HTR7: variants seen among roughly 807,000 people sequenced by gnomAD.
HTR7 encodes 5-HT-7.
A neutral mutation model predicts 34.0 loss-of-function variants in HTR7; 16 were observed. The observed-to-expected ratio is 0.47, with a 90% CI of 0.32 to 0.71. The LOEUF (loss-of-function observed/expected upper bound fraction) is 0.71, where lower values mean the gene tolerates loss of function less well. HTR7 is among the 30% of genes least tolerant of loss of function. The probability of loss-of-function intolerance (pLI) is 0.04; values close to 1 mark genes in which losing one functional copy is unlikely to be tolerated. For synonymous variants in HTR7, 265 were observed against 260.2 expected (o/e 1.02, Z -0.18); for missense variants, 504 against 625.5 (o/e 0.81, Z 2.07).
chr10:90,815,963 T>C (rs1460355228), intron 1 of HTR7, among the ~76,000 whole-genome samples: 1 of 152,138 alleles, frequency 6.6e-6, no homozygotes, highest in Non-Finnish European at 1.5e-5. Flanking sequence ...TAAGGGACAT[T>C]AAGTGAAGCT....
intron 1 of HTR7, among the ~76,000 whole-genome samples, chr10:90,830,836 G>C (rs1350157849): frequency 6.7e-6 from 1 of 148,396 alleles, no homozygotes; most frequent in Non-Finnish European, 1.5e-5. Flanking sequence ...GCCCAGTTAC[G>C]ATGCTCCACA....
intron 1 of HTR7, among the ~76,000 whole-genome samples, chr10:90,809,474 C>T (rs1391399949): frequency 6.6e-6 from 1 of 152,152 alleles, no homozygotes; most frequent in Non-Finnish European, 1.5e-5. Flanking sequence ...CCAATCTGCT[C>T]CCAACATTAA....
At chr10:90,841,691 C>A (rs576133335) in intron 1 of HTR7, among the ~76,000 whole-genome samples, 1 of 152,102 alleles carries the variant, frequency 6.6e-6, no homozygotes, top group African/African-American at 2.4e-5. Context: ...AAAGCCAGTG[C>A]CCCCTTGAGC....
At chr10:90,814,936 T>G (rs1845875031) in intron 1 of HTR7, among the ~76,000 whole-genome samples, 1 of 152,196 alleles carries the variant, frequency 6.6e-6, no homozygotes, top group African/African-American at 2.4e-5. Context: ...AACCAAGATA[T>G]GGATTGACAA....
intron 1 of HTR7, among the ~76,000 whole-genome samples, chr10:90,761,413 T>C (rs1318954231): frequency 6.6e-6 from 1 of 152,192 alleles, no homozygotes; most frequent in Non-Finnish European, 1.5e-5. Flanking sequence ...ACAGTAAAGT[T>C]AGGTACAGAA....
intron 1 of HTR7, among the ~76,000 whole-genome samples, chr10:90,757,908 T>G (rs940541092): frequency 8.5e-5 from 13 of 152,172 alleles, no homozygotes; most frequent in African/African-American, 2.9e-4. Context: ...AATAAATATA[T>G]GTGATCACTG....
intron 1 of HTR7, among the ~76,000 whole-genome samples, chr10:90,765,980 G>T (rs1324932686): frequency 6.6e-6 from 1 of 152,184 alleles, no homozygotes; most frequent in African/African-American, 2.4e-5. Context: ...TGCTTGAGAA[G>T]AATGTATATT....
chr10:90,743,732 A>G lies in HTR7; in HGVS notation c.1296-42T>C, dbSNP rs1489488860. 2.1e-6 allele frequency: 3 copies of G among 1,435,940 alleles called. No individual in the cohort carries two copies. The African/African-American group carries it at 4.2e-5, about 20-fold the overall frequency. The allele number at this position is 1,435,940 out of a possible 1,614,324, so 88.9% of individuals were successfully genotyped here. A position where few individuals can be genotyped will look rare whatever the true frequency, so the allele number is the denominator to read the frequency against. ...TTCAAAGCAAATCCATAAGTAAATCAAATTTTAAAAGAAAAAAAGAATCCT... is the reference window on the plus strand; with the variant it reads ...TTCAAAGCAAATCCATAAGTAAATCGAATTTTAAAAGAAAAAAAGAATCCT... On this transcript the variant is annotated intron_variant, in intron 2 of 3. Transcript: ENST00000336152.
chr10:90,814,081 C>G (rs1845859666), intron 1 of HTR7, among the ~76,000 whole-genome samples: 1 of 152,226 alleles, frequency 6.6e-6, no homozygotes. Flanking sequence ...CTTCTTGTGA[C>G]CACTTAATTG....
intron 1 of HTR7, among the ~76,000 whole-genome samples, chr10:90,795,128 G>A (rs1845518449): frequency 6.6e-6 from 1 of 152,186 alleles, no homozygotes; most frequent in South Asian, 2.1e-4. Flanking sequence ...TGAGATTGCA[G>A]ATATCTCATC....
intron 1 of HTR7, among the ~76,000 whole-genome samples, chr10:90,832,115 C>A (rs989801242): frequency 6.6e-6 from 1 of 152,242 alleles, no homozygotes; most frequent in Non-Finnish European, 1.5e-5. Context: ...TGGCTTCACC[C>A]AGTGGATCTG....
At chr10:90,802,800 T>C (rs1259350313) in intron 1 of HTR7, among the ~76,000 whole-genome samples, 1 of 152,172 alleles carries the variant, frequency 6.6e-6, no homozygotes, top group Non-Finnish European at 1.5e-5. Flanking sequence ...GAATCAGTCC[T>C]TTTGGTTTGA....
chr10:90,807,593 C>T (rs895618747), intron 1 of HTR7, among the ~76,000 whole-genome samples: 2 of 152,176 alleles, frequency 1.3e-5, no homozygotes, highest in Non-Finnish European at 2.9e-5. Flanking sequence ...TTTCCTTTAC[C>T]TACCCAAATA....
In HTR7 at chr10:90,800,141, C is replaced by T. The variant is rs1246748698; in HGVS notation, c.540-50547G>A. Among the ~76,000 whole-genome samples the T allele has an allele frequency of 2.0e-5, 3 of 152,132 alleles. No individual in the cohort carries two copies. The East Asian group carries it at 5.8e-4, about 29-fold the overall frequency. Reference sequence around the variant, plus strand: ...CTCACTAGAGTGGCTATAATGAAAACATCTAACATGACAAAGTGTGGTGTG... The same window carrying T: ...CTCACTAGAGTGGCTATAATGAAAATATCTAACATGACAAAGTGTGGTGTG... On this transcript the variant is annotated intron_variant, in intron 1 of 3. Coordinates refer to ENST00000336152, the MANE Select transcript of HTR7 (RefSeq NM_019859.4).
chr10:90,853,734 A>C (rs1372179256), intron 1 of HTR7, among the ~76,000 whole-genome samples: 1 of 152,220 alleles, frequency 6.6e-6, no homozygotes, highest in African/African-American at 2.4e-5. Flanking sequence ...CAACATACAA[A>C]TTGAATATTT....
At chr10:90,854,998 A>G (rs1354119610) in intron 1 of HTR7, among the ~76,000 whole-genome samples, 1 of 152,186 alleles carries the variant, frequency 6.6e-6, no homozygotes, top group Non-Finnish European at 1.5e-5. Context: ...CAGAAATAAT[A>G]TATTTTCCTT....
intron 1 of HTR7, among the ~76,000 whole-genome samples, chr10:90,777,267 G>A (rs985047557): frequency 6.6e-6 from 1 of 152,000 alleles, no homozygotes; most frequent in Non-Finnish European, 1.5e-5. Flanking sequence ...TGGATCACGA[G>A]GTCAGGGGTT....
At chr10:90,763,035 C>A (rs1421862827) in intron 1 of HTR7, among the ~76,000 whole-genome samples, 2 of 152,104 alleles carry the variant, frequency 1.3e-5, no homozygotes, top group African/African-American at 4.8e-5. Flanking sequence ...GTTTTCAGTA[C>A]CATTTTGTAA....
chr10:90,816,684 G>C (rs2119991173), intron 1 of HTR7, among the ~76,000 whole-genome samples: 1 of 152,236 alleles, frequency 6.6e-6, no homozygotes, highest in East Asian at 1.9e-4. Context: ...GAAAACTACA[G>C]ATGATTTAAG....
Sources: allele counts gnomAD v4.1 joint callset (sites outside exome capture counted in the v4.1 genomes callset), GRCh38; gene constraint gnomAD v4.1.1; transcripts MANE v1.5; gene names NCBI Gene and HGNC (gene_info 2026-07-23, HGNC 2026-07-21).